The following SEPTIN9 variants were observed in gnomAD, a reference collection of about 807,000 sequenced individuals.
SEPTIN9 encodes septin-9.
In SEPTIN9, 13 loss-of-function variants were observed where a neutral mutation model predicts 56.6. The ratio of observed to expected loss-of-function variants is 0.23; its 90% CI spans 0.15 to 0.37. The LOEUF (loss-of-function observed/expected upper bound fraction) is 0.37, where lower values mean the gene tolerates loss of function less well. SEPTIN9 is among the 10% of genes least tolerant of loss of function. SEPTIN9 has a pLI of 1.00. For synonymous variants in SEPTIN9, 332 were observed against 334.1 expected (o/e 0.99, Z 0.07); for missense variants, 650 against 823.1 (o/e 0.79, Z 2.57).
chr17:77,386,726 A>G (rs1167685966), intron 2 of SEPTIN9, among the ~76,000 whole-genome samples: 3 of 152,240 alleles, frequency 2.0e-5, no homozygotes, highest in East Asian at 3.9e-4. Flanking sequence ...GCTGGGGGAA[A>G]GATCGGGGAG....
intron 3 of SEPTIN9, chr17:77,446,941 T>G (rs2037763844): frequency 6.0e-6 from 1 of 167,114 alleles, no homozygotes; most frequent in African/African-American, 2.4e-5. Context: ...AACATAAAAT[T>G]TGCCATTAGT....
chr17:77,482,708 A>T, intron 4 of SEPTIN9: 1 of 583,730 alleles, frequency 1.7e-6, no homozygotes, highest in East Asian at 2.9e-5. Context: ...CAGGCTCCCC[A>T]CCGCACCCCA....
intron 3 of SEPTIN9, among the ~76,000 whole-genome samples, chr17:77,409,121 C>T (rs2036196941): frequency 6.6e-6 from 1 of 152,106 alleles, no homozygotes; most frequent in Non-Finnish European, 1.5e-5. Flanking sequence ...CACCTCCTCC[C>T]ATTTTCCTGA....
chr17:77,454,187 T>C (rs2038094420), intron 3 of SEPTIN9: 1 of 985,404 alleles, frequency 1.0e-6, no homozygotes, highest in Admixed American at 6.1e-5. Context: ...CCACCTGGGC[T>C]TTGGGAAGAC....
At chr17:77,305,711 A>G (rs2032232563) in intron 1 of SEPTIN9, among the ~76,000 whole-genome samples, 1 of 151,566 alleles carries the variant, frequency 6.6e-6, no homozygotes, top group Admixed American at 6.6e-5. Flanking sequence ...TTCTGCTGCC[A>G]GTTGCTGAGT....
chr17:77,486,878 C>T (rs889198130), intron 4 of SEPTIN9, among the ~76,000 whole-genome samples: 5 of 152,196 alleles, frequency 3.3e-5, no homozygotes, highest in Admixed American at 6.5e-5. Context: ...ACCAGCTCCA[C>T]GGGGGAAGGA....
rs9897357 is a variant in SEPTIN9 at position 77,498,941 on chromosome 17, C to A, written c.*283C>A. 2 of 558,122 alleles carry A rather than the reference C, an allele frequency of 3.6e-6. No homozygotes were observed. The highest frequency in any genetic ancestry group is 6.9e-6 in the Non-Finnish European group (2 of 291,758). 34.6% of individuals were successfully genotyped at this position (558,122 alleles called of 1,614,324 possible). On this transcript the variant is annotated 3_prime_UTR_variant, in exon 12 of 12. Coordinates refer to ENST00000427177, the MANE Select transcript of SEPTIN9 (RefSeq NM_001113491.2). ...CCCTCTGTCCCCAGGCCTGGCTCCC[C>A]GAGGGCTCAGAAGAGCAGCTTCGGT...
Position 77,493,765 on chromosome 17 carries a change from C to CT in SEPTIN9, c.1573+710dup, listed in dbSNP as rs35829686. ...TGTCTCTGTCCCGTCCCTCCTCTTCCTTTTTTTTTTTTTTTTTTTTTGTTT... is the reference window on the plus strand; with the variant it reads ...TGTCTCTGTCCCGTCCCTCCTCTTCCTTTTTTTTTTTTTTTTTTTTTTGTTT... On this transcript the variant is annotated intron_variant, in intron 10 of 11. Coordinates refer to ENST00000427177, the MANE Select transcript of SEPTIN9 (RefSeq NM_001113491.2). Among the ~76,000 whole-genome samples, 945 of 111,492 alleles carry CT rather than the reference C, an allele frequency of 8.5e-3. 13 individuals are homozygous for CT. The highest frequency in any genetic ancestry group is 0.016 in the South Asian group (54 of 3,382). 73.1% of individuals were successfully genotyped at this position (111,492 alleles called of 152,430 possible).
Position 77,373,356 on chromosome 17 carries a change from G to T in SEPTIN9, c.77-28703G>T, listed in dbSNP as rs753966901. 1,708 of 1,191,022 alleles carry T rather than the reference G, an allele frequency of 1.4e-3. 3 individuals are homozygous for T. The highest frequency in any genetic ancestry group is 1.7e-3 in the Non-Finnish European group (1,626 of 963,578). The allele number at this position is 1,191,022 out of a possible 1,614,324, so 73.8% of individuals were successfully genotyped here. Reference sequence around the variant, plus strand: ...TCCCCCATTCATTCAGCTGAGCCAGGGGGCCTAGGGGCTCCTCCGGCGGCT... The same window carrying T: ...TCCCCCATTCATTCAGCTGAGCCAGTGGGCCTAGGGGCTCCTCCGGCGGCT... On this transcript the variant is annotated intron_variant, in intron 2 of 11. Coordinates refer to ENST00000427177, the MANE Select transcript of SEPTIN9 (RefSeq NM_001113491.2).
intron 3 of SEPTIN9, among the ~76,000 whole-genome samples, chr17:77,468,504 T>A (rs2038847087): frequency 6.6e-6 from 1 of 152,212 alleles, no homozygotes; most frequent in South Asian, 2.1e-4. Flanking sequence ...TTCAAGCATT[T>A]ACTGACCAGG....
At chr17:77,428,470 GAACT>G (rs1225002324) in intron 3 of SEPTIN9, among the ~76,000 whole-genome samples, 1 of 152,186 alleles carries the variant, frequency 6.6e-6, no homozygotes, top group Non-Finnish European at 1.5e-5. Flanking sequence ...AGAAAAAGAG[GAACT>G]AACAGTTCCA....
At chr17:77,315,971 C>G (rs9913949) in intron 2 of SEPTIN9, among the ~76,000 whole-genome samples, 28,192 of 152,208 alleles carry the variant, frequency 0.19, 3,103 homozygotes, top group Middle Eastern at 0.29. Context: ...CCAGAGTTTC[C>G]CAAAGCCGTG....
At chr17:77,292,322 T>G (rs1431947046) in intron 1 of SEPTIN9, among the ~76,000 whole-genome samples, 1 of 152,158 alleles carries the variant, frequency 6.6e-6, no homozygotes, top group African/African-American at 2.4e-5. Flanking sequence ...CTATGGCACA[T>G]CCCTGTGTTA....
Position 77,450,390 on chromosome 17 carries a change from C to G in SEPTIN9, c.722-31754C>G. ...GGGCGTAGCTTCCAGAATTCAGCCCCTGGCCCTCAGAAGGTGTCACCAAAG... is the reference window on the plus strand; with the variant it reads ...GGGCGTAGCTTCCAGAATTCAGCCCGTGGCCCTCAGAAGGTGTCACCAAAG... On this transcript the variant is annotated intron_variant, in intron 3 of 11. Coordinates refer to ENST00000427177, the MANE Select transcript of SEPTIN9 (RefSeq NM_001113491.2). This position sits in a 1 kb window ranked among gnomAD's most constrained non-coding sequence, Gnocchi z 6.0. 1 of 770,530 alleles carries G rather than the reference C, an allele frequency of 1.3e-6. No individual in the cohort carries two copies. Among genetic ancestry groups the G allele is most frequent in the Non-Finnish European group, 1.6e-6 (1 of 633,606 alleles). 47.7% of individuals were successfully genotyped at this position (770,530 alleles called of 1,614,324 possible). A position where few individuals can be genotyped will look rare whatever the true frequency, so the allele number is the denominator to read the frequency against.
At chr17:77,470,826 T>G (rs190242769) in intron 3 of SEPTIN9, 1 of 152,422 alleles carries the variant, frequency 6.6e-6, no homozygotes, top group East Asian at 1.9e-4. Context: ...CTCTTTGGCT[T>G]CCTCACTTCT....
chr17:77,373,187 G>A (rs940702495), intron 2 of SEPTIN9: 3 of 1,076,772 alleles, frequency 2.8e-6, no homozygotes, highest in Non-Finnish European at 2.3e-6. Context: ...TCGGGCCCCA[G>A]CCCCCCAGGC....
chr17:77,406,737 C>G (rs1364323093), intron 3 of SEPTIN9, among the ~76,000 whole-genome samples: 3 of 151,750 alleles, frequency 2.0e-5, no homozygotes, highest in African/African-American at 7.3e-5. Flanking sequence ...GTGGCATGAT[C>G]TCAGCTTACT....
intron 11 of SEPTIN9, chr17:77,497,641 G>A: frequency 1.8e-6 from 1 of 547,074 alleles, no homozygotes; most frequent in East Asian, 3.1e-5. Flanking sequence ...GCCCGTTAGA[G>A]CTGCCCGGTG....
chr17:77,381,515 T>C (rs1014511150), intron 2 of SEPTIN9, among the ~76,000 whole-genome samples: 1 of 152,192 alleles, frequency 6.6e-6, no homozygotes, highest in Non-Finnish European at 1.5e-5. Context: ...CCCTGCCCTA[T>C]GTCCCCCAGA....
Sources: allele counts gnomAD v4.1 joint callset (sites outside exome capture counted in the v4.1 genomes callset), GRCh38; gene constraint gnomAD v4.1.1; non-coding constraint Gnocchi (gnomAD v3.1); transcripts MANE v1.5; gene names NCBI Gene and HGNC (gene_info 2026-07-23, HGNC 2026-07-21).